SAMD5: variants seen among roughly 807,000 people sequenced by gnomAD.
The protein encoded by SAMD5 is sterile alpha motif domain-containing protein 5.
Under a neutral mutation model 11.3 loss-of-function variants are expected in SAMD5, and 13 were observed. That is an observed-to-expected ratio of 1.15 (90% confidence interval 0.75 to 1.83). The LOEUF is 1.83. Ranked by LOEUF, SAMD5 falls within the 40% of genes most tolerant of loss-of-function variation. The probability of loss-of-function intolerance (pLI) is 0.00; values close to 1 mark genes in which losing one functional copy is unlikely to be tolerated. For missense variants in SAMD5, 255 were observed against 239.1 expected (o/e 1.07, Z -0.44); for synonymous variants, 129 against 111.3 (o/e 1.16, Z -1.00).
the SAMD5 span, among the ~76,000 whole-genome samples, chr6:147,901,110 G>A: frequency 6.6e-6 from 1 of 152,114 alleles, no homozygotes; most frequent in Admixed American, 6.6e-5. Context: ...TAACATCTCT[G>A]TGCCTCAATT....
At chr6:147,922,862 T>A in the SAMD5 span, among the ~76,000 whole-genome samples, 1 of 152,204 alleles carries the variant, frequency 6.6e-6, no homozygotes. Flanking sequence ...AGATGAGTTC[T>A]TTAAAGAAAA....
chr6:147,896,738 C>CAAAAAA, the SAMD5 span, among the ~76,000 whole-genome samples: 27 of 55,322 alleles, frequency 4.9e-4, no homozygotes, highest in Non-Finnish European at 6.9e-4. Context: ...GAACATTAAC[C>CAAAAAA]AAAAAAAAAA....
intron 1 of SAMD5, among the ~76,000 whole-genome samples, chr6:147,664,808 A>C (rs1790693616): frequency 6.6e-6 from 1 of 152,184 alleles, no homozygotes; most frequent in South Asian, 2.1e-4. Context: ...AGAAAAAAAA[A>C]TTCTAAAACA....
At chr6:147,928,005 A>C in the SAMD5 span, among the ~76,000 whole-genome samples, 1 of 152,206 alleles carries the variant, frequency 6.6e-6, no homozygotes, top group African/African-American at 2.4e-5. Context: ...CTTGCATCCC[A>C]GGGATGAAGC....
At chr6:147,937,333 A>G in the SAMD5 span, among the ~76,000 whole-genome samples, 2 of 152,220 alleles carry the variant, frequency 1.3e-5, no homozygotes, top group African/African-American at 4.8e-5. Context: ...TGGATCCTCT[A>G]GCAAGGCATG....
At chr6:147,726,066 C>T (rs956405510) in intron 1 of SAMD5, among the ~76,000 whole-genome samples, 2 of 152,048 alleles carry the variant, frequency 1.3e-5, no homozygotes, top group African/African-American at 2.4e-5. Context: ...ATTAGTATGG[C>T]ATTATGAGTT....
At chr6:147,653,417 T>C (rs1176911691) in intron 1 of SAMD5, among the ~76,000 whole-genome samples, 2 of 152,246 alleles carry the variant, frequency 1.3e-5, no homozygotes, top group Non-Finnish European at 2.9e-5. Context: ...ATAAAGTGTG[T>C]ACATGTGAAG....
At chr6:147,584,177 T>C (rs1191607551) in intron 1 of SAMD5, among the ~76,000 whole-genome samples, 1 of 152,152 alleles carries the variant, frequency 6.6e-6, no homozygotes, top group Admixed American at 6.5e-5. Context: ...GCATTGAGCA[T>C]GTATTACTTC....
intron 1 of SAMD5, among the ~76,000 whole-genome samples, chr6:147,675,826 G>A (rs78776421): frequency 0.024 from 3,639 of 152,252 alleles, 76 homozygotes; most frequent in South Asian, 0.073. Flanking sequence ...CAGAGCTGCA[G>A]CAAATCACTG....
the SAMD5 span, among the ~76,000 whole-genome samples, chr6:147,901,821 T>C: frequency 6.6e-6 from 1 of 152,208 alleles, no homozygotes; most frequent in Non-Finnish European, 1.5e-5. Flanking sequence ...CATACCCATG[T>C]CTTTGTGTTG....
chr6:147,671,437 A>C (rs1400866581), intron 1 of SAMD5, among the ~76,000 whole-genome samples: 1 of 152,216 alleles, frequency 6.6e-6, no homozygotes, highest in African/African-American at 2.4e-5. Context: ...TGAAGTATGC[A>C]TGTATTTTTG....
chr6:147,904,951 C>T, the SAMD5 span, among the ~76,000 whole-genome samples: 76 of 150,398 alleles, frequency 5.1e-4, no homozygotes, highest in East Asian at 0.014. Context: ...TGCGATGGTG[C>T]GATCTCGGCT....
chr6:147,791,902 CAG>C, the SAMD5 span, among the ~76,000 whole-genome samples: 1 of 152,084 alleles, frequency 6.6e-6, no homozygotes, highest in Non-Finnish European at 1.5e-5. Context: ...AGACAGTAAA[CAG>C]AGTGGTGGTT....
the SAMD5 span, among the ~76,000 whole-genome samples, chr6:147,751,191 T>C: frequency 6.6e-6 from 1 of 152,156 alleles, no homozygotes; most frequent in Admixed American, 6.5e-5. Context: ...TTTTCTTAAA[T>C]GTTATTTTCT....
At chr6:147,721,771 C>G (rs1421468888) in intron 1 of SAMD5, among the ~76,000 whole-genome samples, 1 of 152,096 alleles carries the variant, frequency 6.6e-6, no homozygotes, top group Non-Finnish European at 1.5e-5. Context: ...TAATGAAAAT[C>G]AATTTAAGCC....
rs560814841 is a variant in SAMD5, at chr6:147,547,106, G to T, written c.460-17288G>T. ...CTTTTCTTTTGTGAGAATTAATGGT[G>T]CACATTCTGAAGGTGGGAAAGAGTC... On this transcript the variant is annotated intron_variant, in intron 1 of 1. Transcript: ENST00000367474. Among the ~76,000 whole-genome samples, 3 of 152,262 alleles carry T rather than the reference G, an allele frequency of 2.0e-5. No individual in the cohort carries two copies. In the South Asian group the frequency reaches 6.2e-4, roughly 32 times the overall value.
In SAMD5 at chr6:147,567,201, T is replaced by G; in HGVS notation, c.*2745T>G. ...ATAGGGAAGGCGTAATGTTAAGGGC[T>G]TCTTCCTTACCCAAGTGGGAGCTGA... On this transcript the variant is annotated 3_prime_UTR_variant, in exon 2 of 2. Transcript: ENST00000367474. The G allele has an allele frequency of 1.0e-6, 1 of 985,386 alleles. No individual in the cohort carries two copies. The highest frequency in any genetic ancestry group is 4.7e-5 in the South Asian group (1 of 21,292). 61.0% of individuals were successfully genotyped at this position (985,386 alleles called of 1,614,324 possible). A position where few individuals can be genotyped will look rare whatever the true frequency, so the allele number is the denominator to read the frequency against.
At chr6:147,587,340 T>C (rs1789388219) in intron 1 of SAMD5, among the ~76,000 whole-genome samples, 1 of 152,058 alleles carries the variant, frequency 6.6e-6, no homozygotes, top group Non-Finnish European at 1.5e-5. Flanking sequence ...CAGGTTCAAG[T>C]GGTTCTCCTA....
Position 147,618,069 on chromosome 6 carries a change from G to A in SAMD5, c.162+108682G>A, listed in dbSNP as rs189077764. On this transcript the variant is annotated intron_variant, in intron 1 of 1. Coordinates refer to the SAMD5 transcript ENST00000566741. ...TATACTCCAACAGGCTACTTTTTAT[G>A]TTTTGACTCATTTAATCCTCATAGT... is the stretch of plus-strand genomic sequence containing the variant. Among the ~76,000 whole-genome samples, 59 of 152,222 alleles carry A rather than the reference G, an allele frequency of 3.9e-4. 2 individuals carry two copies. Among genetic ancestry groups the A allele is most frequent in the African/African-American group, 1.3e-3 (55 of 41,542 alleles).
Sources: allele counts gnomAD v4.1 joint callset (sites outside exome capture counted in the v4.1 genomes callset), GRCh38; gene constraint gnomAD v4.1.1; transcripts MANE v1.5; gene names NCBI Gene and HGNC (gene_info 2026-07-23, HGNC 2026-07-21).